The following STARD13 variants were observed in gnomAD, a reference collection of about 807,000 sequenced individuals.
STARD13 encodes stAR-related lipid transfer protein 13.
In STARD13, 62 loss-of-function variants were observed where a neutral mutation model predicts 106.4. That is an observed-to-expected ratio of 0.58 (90% CI 0.48 to 0.72). The LOEUF (loss-of-function observed/expected upper bound fraction) is 0.72. Ranked by LOEUF, STARD13 falls within the 30% of genes least tolerant of loss-of-function variation. The pLI is 0.00. For missense variants in STARD13, 1,387 were observed against 1,424.0 expected (o/e 0.97, Z 0.42); for synonymous variants, 565 against 553.0 (o/e 1.02, Z -0.31).
At chr13:33,629,518 T>C in the STARD13 span, among the ~76,000 whole-genome samples, 2 of 152,328 alleles carry the variant, frequency 1.3e-5, no homozygotes, top group South Asian at 4.1e-4. Flanking sequence ...TTCAAATGAT[T>C]CATAAGGATT....
chr13:33,163,777 C>T (rs1431198012), intron 3 of STARD13, among the ~76,000 whole-genome samples: 2 of 138,122 alleles, frequency 1.4e-5, no homozygotes, highest in East Asian at 2.1e-4. Flanking sequence ...ATATGTTATA[C>T]CTCAACTTAA....
chr13:33,380,652 C>A, the STARD13 span, among the ~76,000 whole-genome samples: 1 of 151,996 alleles, frequency 6.6e-6, no homozygotes, highest in East Asian at 1.9e-4. Flanking sequence ...CAAGAGAATA[C>A]AATGGTGTCA....
At chr13:33,588,162 C>T in the STARD13 span, among the ~76,000 whole-genome samples, 15 of 152,260 alleles carry the variant, frequency 9.9e-5, no homozygotes, top group African/African-American at 3.4e-4. Context: ...AAATTCCAGG[C>T]TTGTATCTCA....
intron 1 of STARD13, among the ~76,000 whole-genome samples, chr13:33,265,342 C>T (rs1226397089): frequency 1.3e-5 from 2 of 152,182 alleles, no homozygotes; most frequent in Non-Finnish European, 2.9e-5. Context: ...GAAGAGTTCA[C>T]ATTTGAAAAT....
At chr13:33,409,664 A>C in the STARD13 span, among the ~76,000 whole-genome samples, 1 of 152,078 alleles carries the variant, frequency 6.6e-6, no homozygotes, top group Non-Finnish European at 1.5e-5. Flanking sequence ...GTGAGGGTAC[A>C]TTTCTCCCCA....
At chr13:33,292,291 G>T (rs1892324148) in intron 1 of STARD13, among the ~76,000 whole-genome samples, 1 of 151,996 alleles carries the variant, frequency 6.6e-6, no homozygotes, top group Admixed American at 6.6e-5. Flanking sequence ...AGATCACCAG[G>T]TATGCTGACC....
chr13:33,404,965 T>C, the STARD13 span, among the ~76,000 whole-genome samples: 1 of 151,934 alleles, frequency 6.6e-6, no homozygotes, highest in African/African-American at 2.4e-5. Flanking sequence ...TTAGTAGAGA[T>C]TGGGTTTCGC....
chr13:33,285,371 T>TA (rs1478715061), intron 1 of STARD13, 99 bp downstream of exon 1: 2 of 1,298,158 alleles, frequency 1.5e-6, no homozygotes, highest in African/African-American at 3.0e-5. Context: ...ATCCATATGT[T>TA]ATAAAGTGGA....
the STARD13 span, among the ~76,000 whole-genome samples, chr13:33,360,461 C>T: frequency 6.6e-6 from 1 of 151,858 alleles, no homozygotes; most frequent in African/African-American, 2.4e-5. Context: ...ACCTCGGCCT[C>T]CCAAAATGCT....
chr13:33,591,798 A>T, the STARD13 span, among the ~76,000 whole-genome samples: 1 of 151,944 alleles, frequency 6.6e-6, no homozygotes, highest in Non-Finnish European at 1.5e-5. Flanking sequence ...GCCCTGAGAA[A>T]TATGGAAGGA....
intron 3 of STARD13, among the ~76,000 whole-genome samples, chr13:33,147,713 T>C (rs1304480413): frequency 1.3e-5 from 2 of 152,168 alleles, no homozygotes; most frequent in Non-Finnish European, 2.9e-5. Flanking sequence ...ACAGTGGATA[T>C]CAGCAAATTG....
At chr13:33,593,487 GTTTACTTTTAA>G in the STARD13 span, among the ~76,000 whole-genome samples, 1 of 152,022 alleles carries the variant, frequency 6.6e-6, no homozygotes, top group Non-Finnish European at 1.5e-5. Context: ...CCTGCCAGAT[GTTTACTTTTAA>G]ACTGTCAGAA....
the STARD13 span, among the ~76,000 whole-genome samples, chr13:33,461,050 G>A: frequency 1.3e-5 from 2 of 152,190 alleles, no homozygotes; most frequent in African/African-American, 4.8e-5. Flanking sequence ...AGTGTTCCGT[G>A]ACAGAAAGGT....
At chr13:33,442,990 C>T in the STARD13 span, among the ~76,000 whole-genome samples, 2 of 152,070 alleles carry the variant, frequency 1.3e-5, no homozygotes, top group Non-Finnish European at 2.9e-5. Flanking sequence ...GTACAGAGTT[C>T]AGTTTTACAA....
chr13:33,140,877 G>A (rs1879734705), intron 4 of STARD13, among the ~76,000 whole-genome samples: 1 of 151,496 alleles, frequency 6.6e-6, no homozygotes, highest in Non-Finnish European at 1.5e-5. Context: ...TCCTGCCTCA[G>A]CCTCCCGATT....
chr13:33,519,356 T>A, the STARD13 span, among the ~76,000 whole-genome samples: 3 of 151,034 alleles, frequency 2.0e-5, no homozygotes, highest in Non-Finnish European at 2.9e-5. Context: ...TTTTCTTTCC[T>A]TTTCATTTTT....
the STARD13 span, among the ~76,000 whole-genome samples, chr13:33,384,501 T>G: frequency 3.3e-5 from 5 of 152,200 alleles, no homozygotes; most frequent in Admixed American, 2.6e-4. Context: ...CATTTAATAT[T>G]AATAAGCTGC....
At chr13:33,295,813 G>C (rs1432849792) in intron 1 of STARD13, among the ~76,000 whole-genome samples, 1 of 152,074 alleles carries the variant, frequency 6.6e-6, no homozygotes, top group Non-Finnish European at 1.5e-5. Flanking sequence ...GAGAAGGCTA[G>C]GAAGACTATA....
the STARD13 span, among the ~76,000 whole-genome samples, chr13:33,604,077 A>G: frequency 1.3e-5 from 2 of 152,240 alleles, no homozygotes; most frequent in Non-Finnish European, 2.9e-5. Context: ...CAATCATTAT[A>G]TTAAAAATTA....
Sources: allele counts gnomAD v4.1 joint callset (sites outside exome capture counted in the v4.1 genomes callset), GRCh38; gene constraint gnomAD v4.1.1; transcripts MANE v1.5; gene names NCBI Gene and HGNC (gene_info 2026-07-23, HGNC 2026-07-21).